The following NAPG variants were observed in gnomAD, a reference collection of about 807,000 sequenced individuals.
NAPG encodes the protein gamma-soluble NSF attachment protein.
In NAPG, 25 loss-of-function variants were observed where a neutral mutation model predicts 48.4. The ratio of observed to expected loss-of-function variants is 0.52; its 90% CI spans 0.38 to 0.72. The LOEUF (loss-of-function observed/expected upper bound fraction) is 0.72. Ranked by LOEUF, NAPG falls within the 30% of genes least tolerant of loss-of-function variation. The probability of loss-of-function intolerance (pLI) is 0.00; values close to 1 mark genes in which losing one functional copy is unlikely to be tolerated. For synonymous variants in NAPG, 139 were observed against 127.2 expected (o/e 1.09, Z -0.62); for missense variants, 359 against 372.5 (o/e 0.96, Z 0.30).
rs537896229 is a variant in NAPG at position 10,546,818 on chromosome 18, G to A, written c.585+414G>A. Among the ~76,000 whole-genome samples, 3 of 152,264 alleles carry A rather than the reference G, an allele frequency of 2.0e-5. No individual in the cohort carries two copies. The highest frequency in any genetic ancestry group is 2.1e-4 in the South Asian group (1 of 4,826). On this transcript the variant is annotated intron_variant, in intron 9 of 11. Transcript: ENST00000322897. The surrounding 1 kb of genome is among the most constrained non-coding windows in gnomAD (Gnocchi z 4.0). ...CAATGAAAACTCCAAAAGAAACCCC[G>A]CCTTTCTAACCAGCAATGGGAGAAG...
Position 10,550,386 on chromosome 18 carries a change from C to A in NAPG, c.*166C>A. 1 of 622,420 alleles carries A rather than the reference C, an allele frequency of 1.6e-6. No individual in the cohort carries two copies. Among genetic ancestry groups the A allele is most frequent in the Non-Finnish European group, 2.5e-6 (1 of 394,968 alleles). 38.6% of individuals were successfully genotyped at this position (622,420 alleles called of 1,614,324 possible). A position where few individuals can be genotyped will look rare whatever the true frequency, so the allele number is the denominator to read the frequency against. ...CATCTTCCCAAATCACTCATTGTAT[C>A]CATTACCTGTGAAGCATATCTTTTT... On this transcript the variant is annotated 3_prime_UTR_variant, in exon 12 of 12. Transcript: ENST00000322897.
At chr18:10,533,373 T>C (rs76744207) in intron 3 of NAPG, 163 bp from the exon 4 acceptor site, 23,026 of 524,678 alleles carry the variant, frequency 0.044, 709 homozygotes, top group Middle Eastern at 0.061. Flanking sequence ...TTTTAAACTA[T>C]ATTGACAGGT....
intron 1 of NAPG, among the ~76,000 whole-genome samples, chr18:10,527,889 A>T (rs1271141542): frequency 1.3e-5 from 2 of 152,220 alleles, no homozygotes; most frequent in Non-Finnish European, 2.9e-5. Context: ...TTTTGGTGAA[A>T]GAAATGTGGC....
intron 1 of NAPG, 80 bp downstream of exon 1, chr18:10,526,238 G>GGCATACCCC: frequency 1.2e-6 from 1 of 858,074 alleles, no homozygotes; most frequent in Non-Finnish European, 1.9e-6. Context: ...CCCGGGGGGG[G>GGCATACCCC]CGGGAGGGAG....
rs1213574186 is a variant in NAPG, at chr18:10,544,561, G to C, written c.507-1765G>C. ...TTGGTGGTTCACAGCATGGCAGTTT[G>C]CTGCTAATTCGAGACATCAGGAGTA... On this transcript the variant is annotated intron_variant, in intron 8 of 11. Transcript: ENST00000322897. The surrounding 1 kb of genome is among the most constrained non-coding windows in gnomAD (Gnocchi z 5.1). Among the ~76,000 whole-genome samples the C allele has an allele frequency of 6.6e-6, 1 of 152,204 alleles. No individual in the cohort carries two copies. The highest frequency in any genetic ancestry group is 2.4e-5 in the African/African-American group (1 of 41,440).
chr18:10,540,171 C>G, intron 7 of NAPG, 117 bp downstream of exon 7: 1 of 1,065,218 alleles, frequency 9.4e-7, no homozygotes, highest in Non-Finnish European at 1.4e-6. Flanking sequence ...CACAGTTGCA[C>G]GCTATTTCTT....
chr18:10,550,158 G>T lies in NAPG; in HGVS notation c.877G>T (p.Asp293Tyr), dbSNP rs1167578598. Residue 293 changes from aspartate (D) to tyrosine (Y), a missense_variant, in exon 12 of 12, where the codon GAT (aspartate) becomes TAT (tyrosine). Coordinates refer to ENST00000322897, the MANE Select transcript of NAPG (RefSeq NM_003826.3). ...ACCTGCAACACCACAGGCCAAGCCT[G>T]ATGGTGTCACTGCCACGGCTGCTGA... is the stretch of plus-strand genomic sequence containing the variant. ...KSPATPQAKPDGVTATAADEE... is the reference protein window; with the variant it reads ...KSPATPQAKPYGVTATAADEE... 6.3e-7 allele frequency: 1 copy of T among 1,588,112 alleles called. No individual in the cohort carries two copies.
At position 10,548,682 on chromosome 18, in the gene NAPG, A is replaced by G. The variant is rs1380020619; in HGVS notation, c.666-285A>G. 6.6e-6 allele frequency among the ~76,000 whole-genome samples: 1 copy of G among 152,126 alleles called. No homozygotes were observed. The highest frequency in any genetic ancestry group is 2.4e-5 in the African/African-American group (1 of 41,418). On this transcript the variant is annotated intron_variant, in intron 10 of 11. Coordinates refer to ENST00000322897, the MANE Select transcript of NAPG (RefSeq NM_003826.3). The surrounding 1 kb of genome is among the most constrained non-coding windows in gnomAD (Gnocchi z 4.4). ...GAAAAAATTATCAGATTTATGTTACAGAAATCAAAATGAGGAATTTTCTCG... is the reference window on the plus strand; with the variant it reads ...GAAAAAATTATCAGATTTATGTTACGGAAATCAAAATGAGGAATTTTCTCG...
Position 10,526,308 on chromosome 18 carries a change from C to T in NAPG, c.56+150C>T, listed in dbSNP as rs1476911571. On this transcript the variant is annotated intron_variant, in intron 1 of 11. Transcript: ENST00000322897. ...CCGCAGGGCTGCCGGGGCTCGGTGT[C>T]CTCTGGGTCACACTCCCGGGGTCGG... The T allele has an allele frequency of 6.3e-5, 47 of 740,158 alleles. 1 individual carries two copies. The Admixed American group carries it at 1.1e-3, about 17-fold the overall frequency. The allele number at this position is 740,158 out of a possible 1,614,324, so 45.8% of individuals were successfully genotyped here. A position where few individuals can be genotyped will look rare whatever the true frequency, so the allele number is the denominator to read the frequency against.
intron 8 of NAPG, among the ~76,000 whole-genome samples, chr18:10,545,942 T>C (rs2032255078): frequency 6.6e-6 from 1 of 152,178 alleles, no homozygotes; most frequent in African/African-American, 2.4e-5. Flanking sequence ...ACCGAGTGCC[T>C]TGGGTGTCTG....
chr18:10,530,537 A>G (rs754804160), intron 1 of NAPG, among the ~76,000 whole-genome samples: 2 of 152,112 alleles, frequency 1.3e-5, no homozygotes, highest in Non-Finnish European at 2.9e-5. Flanking sequence ...TCCAGGGACC[A>G]TGAATTGAGA....
At chr18:10,547,750 C>G (rs1347055613) in intron 9 of NAPG, among the ~76,000 whole-genome samples, 1 of 152,048 alleles carries the variant, frequency 6.6e-6, no homozygotes, top group Non-Finnish European at 1.5e-5. Flanking sequence ...TCATGAAGAC[C>G]TATTTTTCCA....
intron 7 of NAPG, 97 bp from the exon 8 acceptor site, chr18:10,540,232 G>T: frequency 8.7e-7 from 1 of 1,152,174 alleles, no homozygotes. Context: ...TTCCCCCCTT[G>T]ATCCAGTGCC....
At position 10,550,179 on chromosome 18, in the gene NAPG, G is replaced by A. The variant is rs1294943284; in HGVS notation, c.898G>A (p.Ala300Thr). ...GCCTGATGGTGTCACTGCCACGGCT[G>A]CTGATGAAGAGGAAGATGAATACTC... ...AKPDGVTATA[A>T]DEEEDEYSGG... Residue 300 changes from alanine (A) to threonine (T), a missense_variant, in exon 12 of 12, where the codon GCT (alanine) becomes ACT (threonine). Coordinates refer to ENST00000322897, the MANE Select transcript of NAPG (RefSeq NM_003826.3). 1 of 1,588,736 alleles carries A rather than the reference G, an allele frequency of 6.3e-7. No individual in the cohort carries two copies. The highest frequency in any genetic ancestry group is 1.2e-5 in the South Asian group (1 of 86,728).
rs1398162839 is a variant in NAPG, at chr18:10,526,062, C to T, written c.-41C>T. ...GGATTCTTGGCGCCGGAGGAAGAGGCAGGGTCACCCTCTCTCCACGTCAGA... is the reference window on the plus strand; with the variant it reads ...GGATTCTTGGCGCCGGAGGAAGAGGTAGGGTCACCCTCTCTCCACGTCAGA... On this transcript the variant is annotated 5_prime_UTR_variant, in exon 1 of 12. Transcript: ENST00000322897. 10 of 1,591,336 alleles carry T rather than the reference C, an allele frequency of 6.3e-6. No homozygotes were observed. Among genetic ancestry groups the T allele is most frequent in the East Asian group, 2.2e-5 (1 of 44,760 alleles).
At position 10,542,465 on chromosome 18, in the gene NAPG, AG is replaced by A. The variant is rs2032175664; in HGVS notation, c.506+2067del. Among the ~76,000 whole-genome samples, 1 of 152,194 alleles carries A rather than the reference AG, an allele frequency of 6.6e-6. No individual in the cohort carries two copies. Among genetic ancestry groups the A allele is most frequent in the Non-Finnish European group, 1.5e-5 (1 of 68,034 alleles). ...TTGGGAACTTAAATAGTGCAGGATA[AG>A]AAAAAACATGCAGTGTTTATAGTGA... On this transcript the variant is annotated intron_variant, in intron 8 of 11. Coordinates refer to ENST00000322897, the MANE Select transcript of NAPG (RefSeq NM_003826.3). This position sits in a 1 kb window ranked among gnomAD's most constrained non-coding sequence, Gnocchi z 4.5.
intron 2 of NAPG, among the ~76,000 whole-genome samples, chr18:10,532,468 G>A (rs1408667888): frequency 6.6e-6 from 1 of 152,114 alleles, no homozygotes; most frequent in Non-Finnish European, 1.5e-5. Context: ...AAGAAACACT[G>A]ATTTGTTGCC....
chr18:10,527,910 G>T (rs554682938), intron 1 of NAPG, among the ~76,000 whole-genome samples: 82 of 152,110 alleles, frequency 5.4e-4, no homozygotes, highest in African/African-American at 1.9e-3. Context: ...AGCAGGCTGG[G>T]CCCTGTCGCT....
Position 10,539,831 on chromosome 18 carries a change from A to G in NAPG, c.328A>G (p.Thr110Ala). Residue 110 changes from threonine (T) to alanine (A), a missense_variant, in exon 6 of 12, where the codon ACC (threonine) becomes GCC (alanine). Thr to Ala is a moderately conservative substitution (Grantham distance 58). Coordinates refer to ENST00000322897, the MANE Select transcript of NAPG (RefSeq NM_003826.3). This position sits in a 1 kb window ranked among gnomAD's most constrained non-coding sequence, Gnocchi z 4.7. Reference protein sequence around the residue: ...KASMMYLENGTPDTAAMALER... With the variant: ...KASMMYLENGAPDTAAMALER... ...CAGCATGATGTATCTAGAAAACGGC[A>G]CCCCAGACACAGCAGCCATGGCTTT... The G allele has an allele frequency of 3.7e-6, 6 of 1,613,962 alleles. No homozygotes were observed. Among genetic ancestry groups the G allele is most frequent in the Non-Finnish European group, 5.1e-6 (6 of 1,179,892 alleles).
Sources: allele counts gnomAD v4.1 joint callset (sites outside exome capture counted in the v4.1 genomes callset), GRCh38; gene constraint gnomAD v4.1.1; non-coding constraint Gnocchi (gnomAD v3.1); transcripts MANE v1.5; gene names NCBI Gene and HGNC (gene_info 2026-07-23, HGNC 2026-07-21).